Variants in MPP7 observed in about 807,000 individuals in gnomAD.
MPP7 encodes MAGUK p55 subfamily member 7.
In MPP7, 60 loss-of-function variants were observed where a neutral mutation model predicts 76.5. The ratio of observed to expected loss-of-function variants is 0.78; its 90% CI spans 0.64 to 0.97. MPP7 has a LOEUF of 0.97. MPP7 is among the 50% of genes least tolerant of loss of function. MPP7 has a pLI of 0.00. For missense variants in MPP7, 641 were observed against 694.0 expected, an observed-to-expected ratio of 0.92 and a Z score of 0.86; for synonymous variants, 237 against 244.5, an observed-to-expected ratio of 0.97 and a Z score of 0.29.
intron 11 of MPP7, 79 bp from the exon 12 acceptor site, chr10:28,089,920 TG>T (rs1853216366): frequency 1.3e-6 from 1 of 784,830 alleles, no homozygotes. Flanking sequence ...CCCTCAGAGT[TG>T]GGTTGGATTT....
intron 12 of MPP7, among the ~76,000 whole-genome samples, chr10:28,081,097 G>A (rs1031156183): frequency 3.3e-5 from 5 of 152,294 alleles, no homozygotes; most frequent in South Asian, 4.1e-4. Flanking sequence ...ACAAAGGAGA[G>A]CAGAATAGTA....
intron 13 of MPP7, among the ~76,000 whole-genome samples, chr10:28,064,941 G>T (rs1249113086): frequency 6.6e-6 from 1 of 152,116 alleles, no homozygotes; most frequent in African/African-American, 2.4e-5. Context: ...CCTACTGAGG[G>T]TATATAACAC....
intron 2 of MPP7, among the ~76,000 whole-genome samples, chr10:28,310,467 C>T (rs1020326389): frequency 1.3e-5 from 2 of 152,170 alleles, no homozygotes; most frequent in African/African-American, 2.4e-5. Context: ...TCGTTGCCAC[C>T]ATGGTACCAT....
chr10:28,325,669 T>C (rs973826944), intron 2 of MPP7, among the ~76,000 whole-genome samples: 1 of 151,898 alleles, frequency 6.6e-6, no homozygotes, highest in African/African-American at 2.4e-5. Context: ...AATTTTTGTA[T>C]TTTTAGTAGA....
chr10:28,276,709 A>G (rs1840509544), intron 1 of MPP7, among the ~76,000 whole-genome samples: 2 of 152,104 alleles, frequency 1.3e-5, no homozygotes, highest in Admixed American at 6.5e-5. Flanking sequence ...GAATCAAAGG[A>G]CAAAGTCACT....
At chr10:28,137,858 A>C (rs1022321597) in intron 5 of MPP7, among the ~76,000 whole-genome samples, 2 of 152,220 alleles carry the variant, frequency 1.3e-5, no homozygotes, top group Non-Finnish European at 2.9e-5. Flanking sequence ...GTAACTCATC[A>C]GACTCACAAG....
Position 28,217,221 on chromosome 10 carries a change from A to T in MPP7, c.38-14950T>A, listed in dbSNP as rs80232248. 9.9e-3 allele frequency among the ~76,000 whole-genome samples: 1,503 copies of T among 152,186 alleles called. 24 individuals are homozygous for T. Among genetic ancestry groups the T allele is most frequent in the East Asian group, 0.065 (334 of 5,172 alleles). On this transcript the variant is annotated intron_variant, in intron 2 of 16. Coordinates refer to ENST00000683449, the MANE Select transcript of MPP7 (RefSeq NM_001318170.2). Reference sequence around the variant, plus strand: ...TATCCTTTAGACAAGGATATAACATACTCAGAAGTCAGAAAAACTGAATTA... The same window carrying T: ...TATCCTTTAGACAAGGATATAACATTCTCAGAAGTCAGAAAAACTGAATTA...
intron 5 of MPP7, among the ~76,000 whole-genome samples, chr10:28,141,105 T>C (rs1163776235): frequency 2.0e-5 from 3 of 152,070 alleles, no homozygotes; most frequent in Non-Finnish European, 2.9e-5. Context: ...CACATAAATA[T>C]CTGCAGTTAT....
intron 2 of MPP7, among the ~76,000 whole-genome samples, chr10:28,226,313 C>A (rs1405349935): frequency 6.6e-6 from 1 of 151,508 alleles, no homozygotes; most frequent in African/African-American, 2.4e-5. Context: ...GTGGTATAAT[C>A]TCGGCTCACT....
chr10:28,176,638 G>A (rs1395235206), intron 3 of MPP7, among the ~76,000 whole-genome samples: 1 of 151,824 alleles, frequency 6.6e-6, no homozygotes, highest in Non-Finnish European at 1.5e-5. Context: ...TAGGGAGGCT[G>A]AGGCAGGAGA....
chr10:28,316,459 AAAAAAAAAAAAAAC>A, intron 2 of MPP7, among the ~76,000 whole-genome samples: 2 of 146,586 alleles, frequency 1.4e-5, no homozygotes, highest in African/African-American at 5.3e-5. Context: ...AAAAAAAAAA[AAAAAAAAAAAAAAC>A]TATCTGAGAA....
chr10:28,145,569 T>C (rs896981966), intron 5 of MPP7, among the ~76,000 whole-genome samples: 1 of 152,174 alleles, frequency 6.6e-6, no homozygotes, highest in Non-Finnish European at 1.5e-5. Flanking sequence ...GTCAAAGCAA[T>C]GGTAGATAAT....
chr10:28,097,249 T>A (rs1853613308), intron 11 of MPP7, among the ~76,000 whole-genome samples: 1 of 152,176 alleles, frequency 6.6e-6, no homozygotes, highest in Non-Finnish European at 1.5e-5. Flanking sequence ...CCCAAAGTAC[T>A]AGGTTTACAG....
intron 11 of MPP7, among the ~76,000 whole-genome samples, chr10:28,101,450 C>T (rs897507134): frequency 2.6e-5 from 4 of 152,094 alleles, no homozygotes; most frequent in Admixed American, 2.6e-4. Flanking sequence ...TAGGAAAAAA[C>T]ACCTAGGAGT....
At chr10:28,289,069 G>A (rs1167151311) in intron 1 of MPP7, among the ~76,000 whole-genome samples, 1 of 152,154 alleles carries the variant, frequency 6.6e-6, no homozygotes, top group Non-Finnish European at 1.5e-5. Context: ...GGAGGCCGAG[G>A]TGGGCGGATC....
chr10:28,152,730 C>T (rs1318992407), intron 3 of MPP7, among the ~76,000 whole-genome samples: 1 of 152,132 alleles, frequency 6.6e-6, no homozygotes, highest in Non-Finnish European at 1.5e-5. Context: ...TAACTTTATG[C>T]AGTCTATAAT....
Position 28,146,445 on chromosome 10 carries a change from A to C in MPP7, c.315+1038T>G, listed in dbSNP as rs190395668. Among the ~76,000 whole-genome samples, 1,005 of 142,226 alleles carry C rather than the reference A, an allele frequency of 7.1e-3. 12 individuals are homozygous for C. The highest frequency in any genetic ancestry group is 0.025 in the African/African-American group (940 of 37,976). 93.3% of individuals were successfully genotyped at this position (142,226 alleles called of 152,430 possible). A position where few individuals can be genotyped will look rare whatever the true frequency, so the allele number is the denominator to read the frequency against. ...GAGACGGAGTCTCGCTCTGTCGCCC[A>C]GGCTGGAGTGCAGTGGCACGATCTC... is the stretch of plus-strand genomic sequence containing the variant. On this transcript the variant is annotated intron_variant, in intron 5 of 16. Coordinates refer to ENST00000683449, the MANE Select transcript of MPP7 (RefSeq NM_001318170.2).
chr10:28,256,895 C>CT (rs1210309633), intron 1 of MPP7, among the ~76,000 whole-genome samples: 22 of 152,138 alleles, frequency 1.4e-4, no homozygotes, highest in African/African-American at 4.8e-4. Context: ...CCCCCATGCC[C>CT]AGTACAGAGA....
intron 3 of MPP7, among the ~76,000 whole-genome samples, chr10:28,180,127 T>C (rs1175724690): frequency 1.3e-5 from 2 of 152,222 alleles, no homozygotes; most frequent in Non-Finnish European, 2.9e-5. Context: ...GTATTATACT[T>C]TGATATTGAT....
Sources: gnomAD v4.1 joint callset for allele counts (sites outside exome capture counted in the v4.1 genomes callset) on GRCh38, gnomAD v4.1.1 for gene constraint, MANE v1.5 for transcripts, NCBI Gene and HGNC (gene_info 2026-07-23, HGNC 2026-07-21) for gene names.